The following IMPG2 variants were observed in gnomAD, a reference collection of about 807,000 sequenced individuals.
IMPG2 encodes IPM 200.
IMPG2 carries 91 observed loss-of-function variants against 129.2 expected under a neutral mutation model. That is an observed-to-expected ratio of 0.70 (90% CI 0.59 to 0.84). IMPG2 has a LOEUF of 0.84. IMPG2 is among the 40% of genes least tolerant of loss of function. The pLI is 0.00. For synonymous variants in IMPG2, 510 were observed against 517.7 expected (o/e 0.99, Z 0.20); for missense variants, 1,430 against 1,461.7 (o/e 0.98, Z 0.35).
intron 2 of IMPG2, among the ~76,000 whole-genome samples, chr3:101,310,126 C>T (rs1707246260): frequency 6.6e-6 from 1 of 152,112 alleles, no homozygotes; most frequent in South Asian, 2.1e-4. Flanking sequence ...CCAAGTAGTA[C>T]ATATAAGATT....
chr3:101,269,667 G>A, intron 7 of IMPG2, 94 bp from the exon 8 acceptor site: 2 of 777,746 alleles, frequency 2.6e-6, no homozygotes, highest in Non-Finnish European at 4.4e-6. Context: ...AAAGTGAACT[G>A]TTCACAACTA....
At chr3:101,282,569 T>G (rs1341537005) in intron 4 of IMPG2, among the ~76,000 whole-genome samples, 1 of 152,246 alleles carries the variant, frequency 6.6e-6, no homozygotes, top group Non-Finnish European at 1.5e-5. Flanking sequence ...ATACAGTCAG[T>G]TCTGCTATGC....
intron 2 of IMPG2, among the ~76,000 whole-genome samples, chr3:101,307,224 CA>C (rs1707214670): frequency 6.6e-6 from 1 of 152,158 alleles, no homozygotes; most frequent in African/African-American, 2.4e-5. Context: ...TTTACATGGA[CA>C]ACACCAAAAT....
rs563433661 is a variant in IMPG2, at chr3:101,273,931, C to T, written c.667-189G>A. Among the ~76,000 whole-genome samples the T allele has an allele frequency of 5.8e-4, 89 of 152,294 alleles. 1 individual carries two copies. The highest frequency in any genetic ancestry group is 3.4e-3 in the Middle Eastern group (1 of 294). ...ACAGGCTAACAGCCAGGAGAAGTGG[C>T]TCACACCTGTAATCTCAGCACTTTG... On this transcript the variant is annotated intron_variant, in intron 6 of 18. Transcript: ENST00000193391.
At chr3:101,245,183 G>T (rs1343979636) in intron 12 of IMPG2, among the ~76,000 whole-genome samples, 2 of 151,824 alleles carry the variant, frequency 1.3e-5, no homozygotes, top group East Asian at 1.9e-4. Flanking sequence ...TATGTTTATT[G>T]TCCATCATCC....
chr3:101,276,592 T>C (rs555889683), intron 5 of IMPG2, 72 bp downstream of exon 5: 73 of 1,008,468 alleles, frequency 7.2e-5, no homozygotes, highest in Non-Finnish European at 2.0e-5. Context: ...GCAAAAAATG[T>C]ACTTGTTTGT....
In IMPG2 at chr3:101,270,847, AAC is replaced by A. The variant is rs1706775447; in HGVS notation, c.829-1276_829-1275del. On this transcript the variant is annotated intron_variant, in intron 7 of 18. Coordinates refer to ENST00000193391, the MANE Select transcript of IMPG2 (RefSeq NM_016247.4). The stretch of plus-strand genomic sequence containing the variant: ...AAAAATGCATATTTTAACAAAAATA[AAC>A]ATTTAATCTGTAACATTTCAGAAGG... 3.9e-5 allele frequency among the ~76,000 whole-genome samples: 6 copies of A among 152,306 alleles called. No homozygotes were observed. In the South Asian group the frequency reaches 1.0e-3, roughly 26 times the overall value.
intron 2 of IMPG2, among the ~76,000 whole-genome samples, chr3:101,315,085 G>T (rs999385100): frequency 1.3e-5 from 2 of 152,142 alleles, no homozygotes; most frequent in African/African-American, 4.8e-5. Flanking sequence ...CCTACAAGGG[G>T]TCATAAAATG....
rs1383568577 is a variant in IMPG2, at chr3:101,224,980, T to C, written c.*1989A>G. 6.6e-6 allele frequency: 1 copy of C among 152,246 alleles called. No individual in the cohort carries two copies. The highest frequency in any genetic ancestry group is 1.5e-5 in the Non-Finnish European group (1 of 68,036). The allele number at this position is 152,246 out of a possible 1,614,324, so 9.4% of individuals were successfully genotyped here. ...CTCCTAAGTGTTCTGCATGGTGACCTGCCCTAGAGGGATTTGTGTCCATCT... is the reference window on the plus strand; with the variant it reads ...CTCCTAAGTGTTCTGCATGGTGACCCGCCCTAGAGGGATTTGTGTCCATCT... On this transcript the variant is annotated 3_prime_UTR_variant, in exon 19 of 19. Transcript: ENST00000193391.
chr3:101,242,554 T>A (rs1181147688), intron 14 of IMPG2, 134 bp downstream of exon 14: 4 of 711,286 alleles, frequency 5.6e-6, no homozygotes, highest in Non-Finnish European at 1.0e-5. Context: ...GTTACCAAGA[T>A]GTGGAAGATT....
intron 17 of IMPG2, 47 bp from the exon 18 acceptor site, chr3:101,228,923 C>G: frequency 7.4e-7 from 1 of 1,356,768 alleles, no homozygotes; most frequent in Middle Eastern, 1.9e-4. Flanking sequence ...TTAGAAAAAC[C>G]TCAACAGCCT....
chr3:101,276,959 C>T (rs1706845827), intron 4 of IMPG2, among the ~76,000 whole-genome samples: 1 of 152,270 alleles, frequency 6.6e-6, no homozygotes, highest in Middle Eastern at 3.4e-3. Flanking sequence ...TTGCATCACC[C>T]TGTTTTCTCT....
chr3:101,313,627 G>A (rs1161284598), intron 2 of IMPG2, among the ~76,000 whole-genome samples: 1 of 152,040 alleles, frequency 6.6e-6, no homozygotes, highest in Non-Finnish European at 1.5e-5. Flanking sequence ...ATCTCCAGCT[G>A]TGTCTTATCT....
At chr3:101,311,402 C>T (rs1211097575) in intron 2 of IMPG2, among the ~76,000 whole-genome samples, 1 of 151,958 alleles carries the variant, frequency 6.6e-6, no homozygotes, top group Non-Finnish European at 1.5e-5. Context: ...ATACAAAAAT[C>T]AGTTGTATGC....
chr3:101,260,774 C>T lies in IMPG2; in HGVS notation c.909-3001G>A, dbSNP rs181337508. Among the ~76,000 whole-genome samples, 20 of 152,274 alleles carry T rather than the reference C, an allele frequency of 1.3e-4. No individual in the cohort carries two copies. The East Asian group carries it at 3.7e-3, about 28-fold the overall frequency. ...GGGAAACTTCTTTTTAACATGAAGA[C>T]GTGGTTGGTGCTCATGTTCTATCTC... On this transcript the variant is annotated intron_variant, in intron 9 of 18. Transcript: ENST00000193391.
rs756352371 is a variant in IMPG2 at position 101,243,579 on chromosome 3, T to G, written c.2752A>C (p.Asn918His). The change falls in exon 13 of 19, where the codon AAT (asparagine) becomes CAT (histidine). Residue 918 changes from asparagine (N) to histidine (H), a missense_variant. Physicochemically the swap from Asn to His is moderately conservative, Grantham distance 68. Transcript: ENST00000193391. The part of the protein sequence containing the change: ...TNMMFSEDLF[N>H]KNSLEYKALE... Reference sequence around the variant, plus strand: ...GCTTTATACTCCAAGGAGTTTTTATTAAACAGATCTTCTGAAAACATCATG... The same window carrying G: ...GCTTTATACTCCAAGGAGTTTTTATGAAACAGATCTTCTGAAAACATCATG... 1 of 1,613,876 alleles carries G rather than the reference T, an allele frequency of 6.2e-7. No individual in the cohort carries two copies.
chr3:101,316,808 G>A (rs992018984), intron 2 of IMPG2, among the ~76,000 whole-genome samples: 1 of 151,910 alleles, frequency 6.6e-6, no homozygotes, highest in African/African-American at 2.4e-5. Context: ...TTCTTTTCTT[G>A]TAATCAGTAA....
rs1706733406 is a variant in IMPG2 at position 101,267,538 on chromosome 3, A to G, written c.888-7T>C. 2 of 1,608,078 alleles carry G rather than the reference A, an allele frequency of 1.2e-6. No homozygotes were observed. The highest frequency in any genetic ancestry group is 8.5e-7 in the Non-Finnish European group (1 of 1,174,780). On this transcript the variant is annotated splice_polypyrimidine_tract_variant and splice_region_variant and intron_variant, in intron 8 of 18. Coordinates refer to ENST00000193391, the MANE Select transcript of IMPG2 (RefSeq NM_016247.4). Reference sequence around the variant, plus strand: ...GTCATTTTCCTTGGGGGACCTGAAAACAAAAATTAAAAATATTAAACAGAG... The same window carrying G: ...GTCATTTTCCTTGGGGGACCTGAAAGCAAAAATTAAAAATATTAAACAGAG...
chr3:101,275,895 A>G lies in IMPG2; in HGVS notation c.584-150T>C, dbSNP rs543774972. On this transcript the variant is annotated intron_variant, in intron 5 of 18. Coordinates refer to ENST00000193391, the MANE Select transcript of IMPG2 (RefSeq NM_016247.4). ...ATTCGGTGCATTCTAACCTCAGGAC[A>G]TATTTGTATGGAGCCTTCTCAGAAC... 1.3e-4 allele frequency: 88 copies of G among 676,896 alleles called. No homozygotes were observed. The East Asian group carries it at 1.9e-3, about 15-fold the overall frequency. 41.9% of individuals were successfully genotyped at this position (676,896 alleles called of 1,614,324 possible). A position where few individuals can be genotyped will look rare whatever the true frequency, so the allele number is the denominator to read the frequency against.
Sources: allele counts gnomAD v4.1 joint callset (sites outside exome capture counted in the v4.1 genomes callset), GRCh38; gene constraint gnomAD v4.1.1; transcripts MANE v1.5; gene names NCBI Gene and HGNC (gene_info 2026-07-23, HGNC 2026-07-21).